The following MGAT4C variants were observed in gnomAD, a reference collection of about 807,000 sequenced individuals.
The protein encoded by MGAT4C is alpha-1,3-mannosyl-glycoprotein 4-beta-N-acetylglucosaminyltransferase C.
A neutral mutation model predicts 40.1 loss-of-function variants in MGAT4C; 19 were observed. The ratio of observed to expected loss-of-function variants is 0.47; its 90% CI spans 0.33 to 0.70. The LOEUF is 0.70. Ranked by LOEUF, MGAT4C falls within the 30% of genes least tolerant of loss-of-function variation. The pLI is 0.02. For synonymous variants in MGAT4C, 181 were observed against 187.1 expected (o/e 0.97, Z 0.27); for missense variants, 491 against 563.2 (o/e 0.87, Z 1.30).
intron 1 of MGAT4C, among the ~76,000 whole-genome samples, chr12:86,081,447 ATTTGT>A (rs1208459092): frequency 6.6e-6 from 1 of 152,118 alleles, no homozygotes; most frequent in Non-Finnish European, 1.5e-5. Context: ...ATAATATTAC[ATTTGT>A]TTTGATAGTT....
At chr12:86,738,154 G>A (rs984941875) in intron 1 of MGAT4C, among the ~76,000 whole-genome samples, 2 of 151,186 alleles carry the variant, frequency 1.3e-5, no homozygotes, top group African/African-American at 4.8e-5. Context: ...TGCCTACTCC[G>A]CCTTTATAAT....
At chr12:86,119,771 C>T in intron 1 of MGAT4C, among the ~76,000 whole-genome samples, 1 of 148,972 alleles carries the variant, frequency 6.7e-6, no homozygotes. Flanking sequence ...GCTATATTGC[C>T]ACGGCTGAAC....
chr12:86,309,789 GCTTAT>G (rs1216782739), intron 4 of MGAT4C, among the ~76,000 whole-genome samples: 2 of 152,136 alleles, frequency 1.3e-5, no homozygotes, highest in South Asian at 2.1e-4. Flanking sequence ...TGGCTGTGTT[GCTTAT>G]CTTATTTCTC....
intron 1 of MGAT4C, among the ~76,000 whole-genome samples, chr12:86,813,361 G>A (rs930969986): frequency 6.6e-6 from 1 of 151,454 alleles, no homozygotes; most frequent in African/African-American, 2.4e-5. Context: ...AAATTCGTGC[G>A]TTTTTACCTT....
At chr12:86,203,007 C>A (rs999955048) in intron 1 of MGAT4C, among the ~76,000 whole-genome samples, 1 of 128,748 alleles carries the variant, frequency 7.8e-6, no homozygotes, top group Admixed American at 8.8e-5. Flanking sequence ...GTATATGTCA[C>A]ATTTTCCTGT....
At chr12:86,283,860 A>G (rs1189352464) in intron 4 of MGAT4C, among the ~76,000 whole-genome samples, 2 of 152,138 alleles carry the variant, frequency 1.3e-5, no homozygotes, top group Non-Finnish European at 2.9e-5. Flanking sequence ...GAGATACAGT[A>G]TATCGCTATA....
intron 3 of MGAT4C, among the ~76,000 whole-genome samples, chr12:86,392,507 G>T (rs1344179951): frequency 2.0e-5 from 3 of 151,998 alleles, no homozygotes; most frequent in African/African-American, 7.2e-5. Flanking sequence ...CAAACCAGAA[G>T]AATTAGGTAC....
At chr12:86,730,418 G>A (rs890411704) in intron 1 of MGAT4C, among the ~76,000 whole-genome samples, 2 of 151,966 alleles carry the variant, frequency 1.3e-5, no homozygotes, top group Admixed American at 1.3e-4. Context: ...GTACAAACAT[G>A]CTACAGAGTA....
chr12:86,344,442 C>A (rs1954972670), intron 3 of MGAT4C, among the ~76,000 whole-genome samples: 1 of 152,034 alleles, frequency 6.6e-6, no homozygotes, highest in African/African-American at 2.4e-5. Context: ...CATTCCTGGG[C>A]CAAAAGAAAC....
chr12:86,106,425 C>G (rs1180182865), intron 1 of MGAT4C, among the ~76,000 whole-genome samples: 2 of 152,132 alleles, frequency 1.3e-5, no homozygotes, highest in Non-Finnish European at 2.9e-5. Context: ...ATCAGCCCCT[C>G]TAGTCGCTGA....
chr12:86,723,526 T>C (rs1950770601), intron 2 of MGAT4C, among the ~76,000 whole-genome samples: 1 of 152,192 alleles, frequency 6.6e-6, no homozygotes, highest in Non-Finnish European at 1.5e-5. Flanking sequence ...GCTGTGTTTC[T>C]TCACATTGTT....
chr12:86,446,658 C>CATATATATATATAT (rs34157468), intron 2 of MGAT4C, among the ~76,000 whole-genome samples: 11 of 35,322 alleles, frequency 3.1e-4, no homozygotes, highest in Admixed American at 1.0e-3. Context: ...TCATGTAACT[C>CATATATATATATAT]ATATATATAT....
intron 2 of MGAT4C, among the ~76,000 whole-genome samples, chr12:86,554,714 C>T (rs1713794712): frequency 6.6e-6 from 1 of 152,186 alleles, no homozygotes; most frequent in Non-Finnish European, 1.5e-5. Flanking sequence ...TCTATTAGGC[C>T]TCCAACTGAA....
chr12:86,060,146 A>G (rs1005857275), intron 1 of MGAT4C, among the ~76,000 whole-genome samples: 1 of 152,208 alleles, frequency 6.6e-6, no homozygotes, highest in Non-Finnish European at 1.5e-5. Context: ...AGATCTATTT[A>G]TAGGTCAAGG....
intron 3 of MGAT4C, among the ~76,000 whole-genome samples, chr12:86,420,534 T>C (rs977747613): frequency 3.3e-5 from 5 of 152,138 alleles, no homozygotes; most frequent in African/African-American, 1.2e-4. Context: ...CAGCTCATAA[T>C]ATGAAGTCAT....
At chr12:86,410,010 G>C (rs550100484) in intron 3 of MGAT4C, among the ~76,000 whole-genome samples, 42 of 152,132 alleles carry the variant, frequency 2.8e-4, no homozygotes, top group African/African-American at 1.0e-3. Flanking sequence ...AAAGGCGGAG[G>C]GGGTGTACGA....
At chr12:86,764,550 C>A (rs1383670095) in intron 1 of MGAT4C, among the ~76,000 whole-genome samples, 24 of 68,666 alleles carry the variant, frequency 3.5e-4, no homozygotes, top group Non-Finnish European at 6.7e-4. Flanking sequence ...TGAGAACGGG[C>A]AGACTGCCTC....
chr12:86,815,498 T>C (rs1952582949), intron 1 of MGAT4C, among the ~76,000 whole-genome samples: 2 of 150,064 alleles, frequency 1.3e-5, no homozygotes, highest in Non-Finnish European at 3.0e-5. Flanking sequence ...CTACTGGGTA[T>C]CTACCCAGAA....
At chr12:86,037,171 C>A (rs1018579422) in intron 2 of MGAT4C, among the ~76,000 whole-genome samples, 3 of 149,640 alleles carry the variant, frequency 2.0e-5, no homozygotes, top group African/African-American at 7.3e-5. Flanking sequence ...CTATTTGATT[C>A]TTCTCTCTTT....
Sources: allele counts gnomAD v4.1 joint callset (sites outside exome capture counted in the v4.1 genomes callset), GRCh38; gene constraint gnomAD v4.1.1; transcripts MANE v1.5; gene names NCBI Gene and HGNC (gene_info 2026-07-23, HGNC 2026-07-21).